The following LRRC51 variants were observed in gnomAD, a reference collection of about 807,000 sequenced individuals.
LRRC51 encodes leucine rich repeat containing 51.
Under a neutral mutation model 17.8 loss-of-function variants are expected in LRRC51, and 8 were observed. That is an observed-to-expected ratio of 0.45 (90% CI 0.26 to 0.81). The LOEUF (loss-of-function observed/expected upper bound fraction) is 0.81, where lower values mean the gene tolerates loss of function less well. LRRC51 is among the 30% of genes least tolerant of loss of function. LRRC51 has a pLI of 0.17. For missense variants in LRRC51, 233 were observed against 239.3 expected (o/e 0.97, Z 0.17); for synonymous variants, 92 against 96.0 (o/e 0.96, Z 0.24).
intron 1 of LRRC51, among the ~76,000 whole-genome samples, chr11:72,083,335 T>G (rs997410349): frequency 2.0e-5 from 3 of 152,200 alleles, no homozygotes; most frequent in Admixed American, 6.5e-5. Context: ...AGCAGTCACA[T>G]CTGCCTGGAA....
At chr11:72,084,861 CGTGT>C (rs55904624) in intron 1 of LRRC51, among the ~76,000 whole-genome samples, 4,208 of 124,156 alleles carry the variant, frequency 0.034, 213 homozygotes, top group African/African-American at 0.12. Context: ...AAAAGAAAAC[CGTGT>C]GTGTGTGTGT....
chr11:72,093,359 G>C, intron 3 of LRRC51, 137 bp from the exon 4 acceptor site: 1 of 805,132 alleles, frequency 1.2e-6, no homozygotes, highest in Non-Finnish European at 2.1e-6. Flanking sequence ...GGTTGCACTA[G>C]ACTCAGGCAC....
At chr11:72,088,148 C>T in intron 1 of LRRC51, 149 bp from the exon 2 acceptor site, 1 of 518,530 alleles carries the variant, frequency 1.9e-6, no homozygotes, top group Non-Finnish European at 3.4e-6. Flanking sequence ...CAGCTCTCTT[C>T]ATCCCAGGTG....
chr11:72,085,798 GTTGGGTGA>G (rs1395621862), intron 1 of LRRC51: 2 of 152,524 alleles, frequency 1.3e-5, no homozygotes, highest in Non-Finnish European at 2.9e-5. Context: ...TCATCTGTGG[GTTGGGTGA>G]CTCTCCTGAT....
In LRRC51 at chr11:72,095,045, T is replaced by TC; in HGVS notation, c.388dup (p.Arg130ProfsTer2). 6.2e-7 allele frequency: 1 copy of TC among 1,613,892 alleles called. No homozygotes were observed. Among genetic ancestry groups the TC allele is most frequent in the African/African-American group, 1.3e-5 (1 of 74,936 alleles). The stretch of plus-strand genomic sequence containing the variant: ...AATAAGCTGGCTGTCCTTCCTCGGC[T>TC]CCGTAGCCTGACACTCCATGGGAAC... On this transcript the variant is annotated frameshift_variant, in exon 5 of 6. Coordinates refer to ENST00000289488, the MANE Select transcript of LRRC51 (RefSeq NM_145309.6). LOFTEE classifies it high-confidence loss of function.
chr11:72,096,504 C>T lies in LRRC51; in HGVS notation c.*984C>T. On this transcript the variant is annotated 3_prime_UTR_variant, in exon 6 of 6. Transcript: ENST00000289488. ...CTGCCCACCTCAGCCTCCCAAAGTG[C>T]TAGGATTACAGGATAAGCCACTGCA... The T allele has an allele frequency of 2.4e-6, 3 of 1,226,150 alleles. No homozygotes were observed. The highest frequency in any genetic ancestry group is 3.1e-6 in the Non-Finnish European group (3 of 979,614). 76.0% of individuals were successfully genotyped at this position (1,226,150 alleles called of 1,614,324 possible).
At position 72,088,332 on chromosome 11, in the gene LRRC51, AC is replaced by A; in HGVS notation, c.-101del. The A allele has an allele frequency of 1.4e-6, 1 of 702,504 alleles. No individual in the cohort carries two copies. Among genetic ancestry groups the A allele is most frequent in the Non-Finnish European group, 2.6e-6 (1 of 384,928 alleles). The allele number at this position is 702,504 out of a possible 1,614,324, so 43.5% of individuals were successfully genotyped here. ...CATTTTAACCGGAAACAATCCCTGA[AC>A]CCACAGGAATGAATGCCTAATGGTG... On this transcript the variant is annotated 5_prime_UTR_variant, in exon 2 of 6. Coordinates refer to ENST00000289488, the MANE Select transcript of LRRC51 (RefSeq NM_145309.6).
intron 1 of LRRC51, chr11:72,086,594 G>A (rs952971558): frequency 2.1e-5 from 13 of 622,950 alleles, no homozygotes; most frequent in Admixed American, 1.3e-4. Context: ...AATAAGATGC[G>A]ATACTAGCTC....
chr11:72,091,070 G>A (rs1361847710), intron 3 of LRRC51, among the ~76,000 whole-genome samples: 2 of 152,164 alleles, frequency 1.3e-5, no homozygotes, highest in Non-Finnish European at 2.9e-5. Context: ...GAATCTGAGA[G>A]GAGCAGCAAC....
In LRRC51 at chr11:72,090,663, A is replaced by G. The variant is rs1944805827; in HGVS notation, c.82+1498A>G. ...AGAGTTTGGGGGTACCTGGCACACT[A>G]TTTGGTGAATGAATAAATATTACAG... On this transcript the variant is annotated intron_variant, in intron 3 of 5. Coordinates refer to ENST00000289488, the MANE Select transcript of LRRC51 (RefSeq NM_145309.6). Among the ~76,000 whole-genome samples the G allele has an allele frequency of 2.6e-5, 4 of 152,238 alleles. No individual in the cohort carries two copies. The South Asian group carries it at 8.3e-4, about 32-fold the overall frequency.
At chr11:72,091,696 T>C (rs1226634343) in intron 3 of LRRC51, among the ~76,000 whole-genome samples, 2 of 152,198 alleles carry the variant, frequency 1.3e-5, no homozygotes, top group Non-Finnish European at 2.9e-5. Flanking sequence ...CCCTATTCTC[T>C]CTCCTCCTCA....
In LRRC51 at chr11:72,095,442, A is replaced by G. The variant is rs1382681871; in HGVS notation, c.501A>G (p.Ala167=). 6.2e-7 allele frequency: 1 copy of G among 1,614,158 alleles called. No homozygotes were observed. The highest frequency in any genetic ancestry group is 1.1e-5 in the South Asian group (1 of 91,082). ...TCGACTTCAGTGGGGTCACCAAAGC[A>G]GACCGCACCACAGCTGAAGTCTGGA... ...TTFDFSGVTK[A]DRTTAEVWKR... Residue 167 remains alanine (A), a synonymous_variant, in exon 6 of 6, where the codon GCA becomes GCG. Transcript: ENST00000289488.
intron 3 of LRRC51, among the ~76,000 whole-genome samples, chr11:72,092,244 T>C (rs1000989031): frequency 6.6e-6 from 1 of 152,196 alleles, no homozygotes; most frequent in Admixed American, 6.5e-5. Flanking sequence ...AACTGCCTAC[T>C]TGACTTCTCC....
In LRRC51 at chr11:72,088,288, C is replaced by T. The variant is rs930002602; in HGVS notation, c.-139-9C>T. On this transcript the variant is annotated splice_polypyrimidine_tract_variant and intron_variant, in intron 1 of 5. Transcript: ENST00000289488. ...TGACTGATAACAACATTGTGTTCAT[C>T]CCTGTCAGGGAGTATTTCCATTTTA... 4.3e-6 allele frequency: 3 copies of T among 692,624 alleles called. No individual in the cohort carries two copies. The East Asian group carries it at 8.1e-5, about 19-fold the overall frequency. 42.9% of individuals were successfully genotyped at this position (692,624 alleles called of 1,614,324 possible).
chr11:72,095,181 C>T (rs1945113607), intron 5 of LRRC51, 85 bp downstream of exon 5: 2 of 1,576,834 alleles, frequency 1.3e-6, no homozygotes, highest in Non-Finnish European at 1.7e-6. Context: ...TACGACCATT[C>T]TTCTGCCATG....
chr11:72,085,741 G>A (rs1944494171), intron 1 of LRRC51, among the ~76,000 whole-genome samples: 1 of 152,196 alleles, frequency 6.6e-6, no homozygotes, highest in Admixed American at 6.5e-5. Context: ...CTTAGAGTCA[G>A]CTGGAGGGTT....
intron 2 of LRRC51, 173 bp from the exon 3 acceptor site, chr11:72,088,856 G>A (rs1053492172): frequency 4.2e-5 from 28 of 667,106 alleles, no homozygotes; most frequent in South Asian, 2.5e-4. Flanking sequence ...GCTCTGAGAA[G>A]TAGAAAGTGC....
In LRRC51 at chr11:72,095,173, C is replaced by T. The variant is rs915258110; in HGVS notation, c.437+77C>T. The T allele has an allele frequency of 2.0e-5, 31 of 1,583,568 alleles. No homozygotes were observed. In the African/African-American group the frequency reaches 2.0e-4, roughly 10 times the overall value. On this transcript the variant is annotated intron_variant, in intron 5 of 5. Coordinates refer to ENST00000289488, the MANE Select transcript of LRRC51 (RefSeq NM_145309.6). ...AGGAGGAGGAGAAACAAGAAATCTA[C>T]GACCATTCTTCTGCCATGCTTGGAC...
At chr11:72,089,530 T>C (rs1167994411) in intron 3 of LRRC51, 43 of 1,236,454 alleles carry the variant, frequency 3.5e-5, no homozygotes, top group Non-Finnish European at 4.1e-5. Flanking sequence ...TATCAGCCAA[T>C]AGTTTTATTC....
Sources: allele counts gnomAD v4.1 joint callset (sites outside exome capture counted in the v4.1 genomes callset), GRCh38; gene constraint gnomAD v4.1.1; transcripts MANE v1.5; gene names NCBI Gene and HGNC (gene_info 2026-07-23, HGNC 2026-07-21).